The following STXBP5 variants were observed in gnomAD, a reference collection of about 807,000 sequenced individuals.
STXBP5 encodes syntaxin binding protein 5.
STXBP5 carries 50 observed loss-of-function variants against 152.4 expected under a neutral mutation model. The observed-to-expected ratio is 0.33, with a 90% CI of 0.26 to 0.42. The LOEUF (loss-of-function observed/expected upper bound fraction) is 0.42. Among genes scored for constraint, STXBP5 ranks in the 10% least tolerant of loss-of-function variants. STXBP5 has a pLI of 1.00. For synonymous variants in STXBP5, 492 were observed against 494.7 expected (o/e 0.99, Z 0.07); for missense variants, 1,167 against 1,388.6 (o/e 0.84, Z 2.54).
chr6:147,214,931 T>G (rs1777083524), intron 2 of STXBP5, among the ~76,000 whole-genome samples: 1 of 152,200 alleles, frequency 6.6e-6, no homozygotes, highest in South Asian at 2.1e-4. Context: ...ATGATCAACT[T>G]TATGTCCTTC....
intron 9 of STXBP5, among the ~76,000 whole-genome samples, chr6:147,306,678 G>A (rs1327542868): frequency 6.6e-6 from 1 of 152,184 alleles, no homozygotes; most frequent in Non-Finnish European, 1.5e-5. Context: ...GGTACACCCA[G>A]CTCGTTTCTG....
intron 19 of STXBP5, 83 bp downstream of exon 19, chr6:147,334,305 T>C (rs1272241042): frequency 5.5e-6 from 7 of 1,283,538 alleles, no homozygotes; most frequent in African/African-American, 4.5e-5. Flanking sequence ...TTGATAGATA[T>C]GCATTTAAAA....
At position 147,205,853 on chromosome 6, in the gene STXBP5, A is replaced by T. The variant is rs1234437111; in HGVS notation, c.151-118A>T. 5 of 676,870 alleles carry T rather than the reference A, an allele frequency of 7.4e-6. No homozygotes were observed. In the East Asian group the frequency reaches 1.0e-4, roughly 14 times the overall value. The allele number at this position is 676,870 out of a possible 1,614,324, so 41.9% of individuals were successfully genotyped here. On this transcript the variant is annotated intron_variant, in intron 1 of 27. Transcript: ENST00000321680. ...TTATTTTTTCAAAAGCAGTAAGTGCATGTGTATGTGTTTTGCATCAGTGGT... is the reference window on the plus strand; with the variant it reads ...TTATTTTTTCAAAAGCAGTAAGTGCTTGTGTATGTGTTTTGCATCAGTGGT...
intron 2 of STXBP5, among the ~76,000 whole-genome samples, chr6:147,207,701 A>G (rs1289063589): frequency 6.6e-6 from 1 of 152,170 alleles, no homozygotes; most frequent in Non-Finnish European, 1.5e-5. Flanking sequence ...AGATAATTTC[A>G]TAACTGGACT....
chr6:147,239,037 A>T (rs1325193304), intron 3 of STXBP5, 133 bp from the exon 4 acceptor site: 1 of 711,554 alleles, frequency 1.4e-6, no homozygotes, highest in African/African-American at 1.8e-5. Context: ...GAATGAGGCA[A>T]ATGTTTCTTA....
intron 8 of STXBP5, among the ~76,000 whole-genome samples, chr6:147,289,109 T>C (rs1053275382): frequency 2.0e-5 from 3 of 152,226 alleles, no homozygotes; most frequent in Admixed American, 2.0e-4. Context: ...GTTAACACTT[T>C]AGTGCAGCAG....
chr6:147,310,301 ACCTAGGTTGTTTAGAT>A, intron 10 of STXBP5, 63 bp downstream of exon 10: 15 of 993,370 alleles, frequency 1.5e-5, no homozygotes, highest in Non-Finnish European at 1.6e-5. Context: ...AAAAAAAAAG[ACCTAGGTTGTTTAGAT>A]AAAACTACTC....
chr6:147,266,241 T>C (rs1221072674), intron 6 of STXBP5, among the ~76,000 whole-genome samples: 3 of 152,040 alleles, frequency 2.0e-5, no homozygotes, highest in Non-Finnish European at 4.4e-5. Context: ...AATTTGCAAT[T>C]TATCCTAAAA....
chr6:147,334,658 T>C (rs1260021049), intron 19 of STXBP5, among the ~76,000 whole-genome samples: 1 of 152,138 alleles, frequency 6.6e-6, no homozygotes, highest in African/African-American at 2.4e-5. Flanking sequence ...TAGTTTCTGA[T>C]ATATTTATAG....
intron 18 of STXBP5, chr6:147,328,832 G>A (rs1234565278): frequency 2.2e-6 from 1 of 461,292 alleles, no homozygotes; most frequent in African/African-American, 2.0e-5. Context: ...ATCATTGGGA[G>A]TTTTTGTGTT....
rs149669135 is a variant in STXBP5, at chr6:147,386,536, G to T, written c.*1781G>T. ...GTGTGTGATAGAGATAATTGATCAA[G>T]CCAAAAGAAATATTTTTTAAATAAG... is the stretch of plus-strand genomic sequence containing the variant. On this transcript the variant is annotated 3_prime_UTR_variant, in exon 28 of 28. Transcript: ENST00000321680. 6.6e-6 allele frequency: 1 copy of T among 151,516 alleles called. No individual in the cohort carries two copies. The highest frequency in any genetic ancestry group is 1.5e-5 in the Non-Finnish European group (1 of 67,752). 9.4% of individuals were successfully genotyped at this position (151,516 alleles called of 1,614,324 possible).
In STXBP5 at chr6:147,204,785, A is replaced by C; in HGVS notation, c.150+103A>C. On this transcript the variant is annotated intron_variant, in intron 1 of 27. Transcript: ENST00000321680. This position sits in a 1 kb window ranked among gnomAD's most constrained non-coding sequence, Gnocchi z 4.3. ...TGGGAATGCAAGGGAAGAGAACGCC[A>C]ATAATAATAATAATAACTCTAATAA... The C allele has an allele frequency of 9.2e-7, 1 of 1,085,464 alleles. No homozygotes were observed. Among genetic ancestry groups the C allele is most frequent in the Non-Finnish European group, 1.3e-6 (1 of 793,144 alleles). The allele number at this position is 1,085,464 out of a possible 1,614,324, so 67.2% of individuals were successfully genotyped here.
chr6:147,226,872 T>G (rs1266278615), intron 2 of STXBP5, among the ~76,000 whole-genome samples: 1 of 152,218 alleles, frequency 6.6e-6, no homozygotes, highest in East Asian at 1.9e-4. Flanking sequence ...TATCATTCTA[T>G]AGCTTTGTAT....
At chr6:147,364,915 C>T (rs1005625699) in intron 25 of STXBP5, among the ~76,000 whole-genome samples, 8 of 152,046 alleles carry the variant, frequency 5.3e-5, no homozygotes, top group Admixed American at 4.6e-4. Flanking sequence ...AGAACATGAG[C>T]TTTAGAGTCA....
chr6:147,278,958 G>C (rs1373248654), intron 8 of STXBP5, among the ~76,000 whole-genome samples: 2 of 152,156 alleles, frequency 1.3e-5, no homozygotes, highest in Non-Finnish European at 2.9e-5. Flanking sequence ...CTCTGCTTTA[G>C]CAGGTACCAC....
At chr6:147,257,360 A>T (rs1297353550) in intron 4 of STXBP5, among the ~76,000 whole-genome samples, 1 of 151,898 alleles carries the variant, frequency 6.6e-6, no homozygotes, top group Non-Finnish European at 1.5e-5. Context: ...TTATAATATT[A>T]AAATAAATAA....
chr6:147,351,073 A>G (rs1026759449), intron 21 of STXBP5, among the ~76,000 whole-genome samples: 15 of 152,136 alleles, frequency 9.9e-5, no homozygotes, highest in Non-Finnish European at 1.8e-4. Context: ...ACGTACTGGG[A>G]TTAATAGTTT....
intron 9 of STXBP5, among the ~76,000 whole-genome samples, chr6:147,307,784 G>A (rs1782166864): frequency 6.6e-6 from 1 of 152,124 alleles, no homozygotes; most frequent in Admixed American, 6.6e-5. Context: ...CTTTCAAACT[G>A]TTTCTCTTTT....
intron 25 of STXBP5, 72 bp downstream of exon 25, chr6:147,364,238 C>T (rs1245378848): frequency 7.4e-7 from 1 of 1,352,502 alleles, no homozygotes; most frequent in Non-Finnish European, 1.0e-6. Context: ...TACTGTCTGC[C>T]CCTTATTCTC....
Sources: gnomAD v4.1 joint callset for allele counts (sites outside exome capture counted in the v4.1 genomes callset) on GRCh38, gnomAD v4.1.1 for gene constraint, Gnocchi (gnomAD v3.1) non-coding constraint, MANE v1.5 for transcripts, NCBI Gene and HGNC (gene_info 2026-07-23, HGNC 2026-07-21) for gene names.